The following GHDC variants were observed in gnomAD, a reference collection of about 807,000 sequenced individuals.
The protein encoded by GHDC is GH3 domain-containing protein.
In GHDC, 39 loss-of-function variants were observed where a neutral mutation model predicts 51.5. That is an observed-to-expected ratio of 0.76 (90% confidence interval 0.59 to 0.99). GHDC has a LOEUF of 0.99. GHDC is among the 50% of genes least tolerant of loss of function. The probability of loss-of-function intolerance (pLI) is 0.00; values close to 1 mark genes in which losing one functional copy is unlikely to be tolerated. For synonymous variants in GHDC, 282 were observed against 305.2 expected, an observed-to-expected ratio of 0.92 and a Z score of 0.79; for missense variants, 610 against 672.8, an observed-to-expected ratio of 0.91 and a Z score of 1.03.
rs1254003903 is a variant in GHDC, at chr17:42,191,040, T to C, written c.1060A>G (p.Thr354Ala). Residue 354 changes from threonine to alanine, a missense_variant, in exon 6 of 10, where the codon ACG becomes GCG. Physicochemically the swap from Thr to Ala is moderately conservative, Grantham distance 58. This residue lies in a region of GHDC where 412 missense variants were observed against 410.4 expected (regional missense o/e 1.00). Coordinates refer to ENST00000587427, the MANE Select transcript of GHDC (RefSeq NM_032484.5). ...CACCTGGTGAGGCTGGCGCGGTCCG[T>C]CAGCACCAGCTCATACTCCTTGCCC... ...QQGKEYELVL[T>A]DRASLTRCRL... 2 of 1,583,554 alleles carry C rather than the reference T, an allele frequency of 1.3e-6. No homozygotes were observed. The highest frequency in any genetic ancestry group is 1.7e-6 in the Non-Finnish European group (2 of 1,165,300).
intron 8 of GHDC, 92 bp from the exon 9 acceptor site, chr17:42,190,362 G>A: frequency 6.2e-7 from 1 of 1,605,610 alleles, no homozygotes. Context: ...TCCCCACTCT[G>A]AGATTCATAG....
In GHDC at chr17:42,193,207, C is replaced by T. The variant is rs1362520342; in HGVS notation, c.265+110G>A. On this transcript the variant is annotated intron_variant, in intron 3 of 9. Coordinates refer to ENST00000587427, the MANE Select transcript of GHDC (RefSeq NM_032484.5). Reference sequence around the variant, plus strand: ...GCCAGTCCTGGGTCTCTGGGTCAGGCCACTCCGTTGGCAGTGGAGGAGGTA... The same window carrying T: ...GCCAGTCCTGGGTCTCTGGGTCAGGTCACTCCGTTGGCAGTGGAGGAGGTA... The T allele has an allele frequency of 2.6e-6, 4 of 1,525,150 alleles. No individual in the cohort carries two copies. In the Admixed American group the frequency reaches 6.8e-5, roughly 26 times the overall value. 94.5% of individuals were successfully genotyped at this position (1,525,150 alleles called of 1,614,324 possible).
Position 42,192,225 on chromosome 17 carries a change from C to G in GHDC, c.889+16G>C, listed in dbSNP as rs2079973757. Reference sequence around the variant, plus strand: ...TGACCGTTGCCCCCACCTCACTGCCCTTGAGTCCCACTGACCTCCCGAGGC... The same window carrying G: ...TGACCGTTGCCCCCACCTCACTGCCGTTGAGTCCCACTGACCTCCCGAGGC... On this transcript the variant is annotated intron_variant, in intron 5 of 9. Transcript: ENST00000587427. 6.6e-7 allele frequency: 1 copy of G among 1,520,678 alleles called. No individual in the cohort carries two copies. The allele number at this position is 1,520,678 out of a possible 1,614,324, so 94.2% of individuals were successfully genotyped here.
At chr17:42,194,195 G>C (rs541876677) in intron 1 of GHDC, 198 bp downstream of exon 1, 1 of 150,282 alleles carries the variant, frequency 6.7e-6, no homozygotes, top group African/African-American at 2.5e-5. Flanking sequence ...AAAAAGAAAA[G>C]AAAAAAAAGG....
intron 3 of GHDC, 53 bp downstream of exon 3, chr17:42,193,264 C>T: frequency 6.5e-7 from 1 of 1,533,178 alleles, no homozygotes; most frequent in Non-Finnish European, 8.8e-7. Flanking sequence ...ATCTGACGGT[C>T]CTGTGGGGTT....
chr17:42,190,186 T>C lies in GHDC; in HGVS notation c.1373A>G (p.Lys458Arg). 1 of 1,613,524 alleles carries C rather than the reference T, an allele frequency of 6.2e-7. No homozygotes were observed. The highest frequency in any genetic ancestry group is 1.7e-4 in the Middle Eastern group (1 of 6,054). The part of the protein sequence containing the change: ...LRNLSEENRD[K>R]LDHCLQEASP... Reference sequence around the variant, plus strand: ...AGACCCTGTCCTCGTCTCCTTTACCTTGTCTCGATTTTCCTCTGACAGATT... The same window carrying C: ...AGACCCTGTCCTCGTCTCCTTTACCCTGTCTCGATTTTCCTCTGACAGATT... Residue 458 changes from lysine to arginine, a missense_variant and splice_region_variant, in exon 9 of 10, where the codon AAG (lysine) becomes AGG (arginine). Transcript: ENST00000587427.
chr17:42,191,109 G>A lies in GHDC; in HGVS notation c.991C>T (p.Gln331Ter). Residue 331 changes from glutamine to a stop codon, truncating the protein, a stop_gained, in exon 6 of 10, where the codon CAG becomes TAG. Coordinates refer to ENST00000587427, the MANE Select transcript of GHDC (RefSeq NM_032484.5). LOFTEE classifies it high-confidence loss of function. ...IELLPVKEGTQEEAASTLLLA... is the reference protein window; with the variant it reads ...IELLPVKEGT ...AGGAGGGTGGAGGCAGCTTCCTCCTGGGTGCCTTCCTTGACTGGGAGCAGC... is the reference window on the plus strand; with the variant it reads ...AGGAGGGTGGAGGCAGCTTCCTCCTAGGTGCCTTCCTTGACTGGGAGCAGC... 1 of 1,569,790 alleles carries A rather than the reference G, an allele frequency of 6.4e-7. No homozygotes were observed. The highest frequency in any genetic ancestry group is 8.6e-7 in the Non-Finnish European group (1 of 1,161,762).
rs747817150 is a variant in GHDC, at chr17:42,191,136, C to T, written c.964G>A (p.Glu322Lys). The change falls in exon 6 of 10, where the codon GAG becomes AAG. Residue 322 changes from glutamate (E) to lysine (K), a missense_variant. Coordinates refer to ENST00000587427, the MANE Select transcript of GHDC (RefSeq NM_032484.5). ...YLLPPGAPFIELLPVKEGTQE... is the reference protein window; with the variant it reads ...YLLPPGAPFIKLLPVKEGTQE... The stretch of plus-strand genomic sequence containing the variant: ...GTGCCTTCCTTGACTGGGAGCAGCT[C>T]GATAAAGGGGGCCCCAGGGGGCAGA... 1.1e-5 allele frequency: 17 copies of T among 1,554,686 alleles called. No individual in the cohort carries two copies. Among genetic ancestry groups the T allele is most frequent in the South Asian group, 6.1e-5 (5 of 82,462 alleles).
chr17:42,192,942 C>T lies in GHDC; in HGVS notation c.351G>A (p.Pro117=), dbSNP rs371516105. ...QEDSGEQPLP[P]TSNQDLGEAS... ...CCTCCCCAAGGTCCTGGTTTGAGGTCGGGGGCAGTGGCTGCTCTCCACTGT... is the reference window on the plus strand; with the variant it reads ...CCTCCCCAAGGTCCTGGTTTGAGGTTGGGGGCAGTGGCTGCTCTCCACTGT... The change falls in exon 4 of 10, where the codon CCG becomes CCA. Residue 117 remains proline, a synonymous_variant. Transcript: ENST00000587427. 13 of 1,613,956 alleles carry T rather than the reference C, an allele frequency of 8.1e-6. No homozygotes were observed. Among genetic ancestry groups the T allele is most frequent in the Middle Eastern group, 1.6e-4 (1 of 6,062 alleles).
intron 3 of GHDC, 57 bp downstream of exon 3, chr17:42,193,260 C>A (rs149926884): frequency 6.6e-7 from 1 of 1,522,804 alleles, no homozygotes. Context: ...TGGAATCTGA[C>A]GGTCCTGTGG....
In GHDC at chr17:42,192,235, A is replaced by G. The variant is rs1254817189; in HGVS notation, c.889+6T>C. Reference sequence around the variant, plus strand: ...CCCCACCTCACTGCCCTTGAGTCCCACTGACCTCCCGAGGCAGCATAAGCA... The same window carrying G: ...CCCCACCTCACTGCCCTTGAGTCCCGCTGACCTCCCGAGGCAGCATAAGCA... On this transcript the variant is annotated splice_donor_region_variant and intron_variant, in intron 5 of 9. Transcript: ENST00000587427. 6.6e-7 allele frequency: 1 copy of G among 1,524,938 alleles called. No individual in the cohort carries two copies. The highest frequency in any genetic ancestry group is 8.8e-7 in the Non-Finnish European group (1 of 1,137,078). The allele number at this position is 1,524,938 out of a possible 1,614,324, so 94.5% of individuals were successfully genotyped here.
chr17:42,191,015 C>A lies in GHDC; in HGVS notation c.1082+3G>T. 6.4e-7 allele frequency: 1 copy of A among 1,569,716 alleles called. No individual in the cohort carries two copies. Among genetic ancestry groups the A allele is most frequent in the Non-Finnish European group, 8.6e-7 (1 of 1,159,588 alleles). On this transcript the variant is annotated splice_donor_region_variant and intron_variant, in intron 6 of 9. Transcript: ENST00000587427. Reference sequence around the variant, plus strand: ...AGGTAGCAGGGGCTGTGCAGCTGATCACCTGGTGAGGCTGGCGCGGTCCGT... The same window carrying A: ...AGGTAGCAGGGGCTGTGCAGCTGATAACCTGGTGAGGCTGGCGCGGTCCGT...
In GHDC at chr17:42,191,156, G is replaced by T; in HGVS notation, c.944C>A (p.Pro315His). 1 of 1,553,388 alleles carries T rather than the reference G, an allele frequency of 6.4e-7. No homozygotes were observed. Among genetic ancestry groups the T allele is most frequent in the Non-Finnish European group, 8.7e-7 (1 of 1,153,520 alleles). ...PEQPHGLYLLPPGAPFIELLP... is the reference protein window; with the variant it reads ...PEQPHGLYLLHPGAPFIELLP... ...CAGCTCGATAAAGGGGGCCCCAGGG[G>T]GCAGAAGGTAGAGCCCATGGGGCTG... Residue 315 changes from proline to histidine, a missense_variant, in exon 6 of 10, where the codon CCC becomes CAC. Around this residue, in one of 2 missense-constraint regions of GHDC, gnomAD observed 412 missense variants for 410.4 expected, o/e 1.00. Coordinates refer to ENST00000587427, the MANE Select transcript of GHDC (RefSeq NM_032484.5).
In GHDC at chr17:42,193,541, GGCAGCA is replaced by G. The variant is rs747543747; in HGVS notation, c.35_40del (p.Leu12_Leu13del). 5.8e-6 allele frequency: 9 copies of G among 1,543,014 alleles called. No homozygotes were observed. The highest frequency in any genetic ancestry group is 5.5e-5 in the African/African-American group (4 of 73,030). ...CTGCTGCCTGAGCAGGGCCAATGTT[GGCAGCA>G]GCAGCAGCAGCAGCAGCAGTGGCCA... On this transcript the variant is annotated inframe_deletion, in exon 3 of 10. Transcript: ENST00000587427.
intron 8 of GHDC, 63 bp from the exon 9 acceptor site, chr17:42,190,333 C>T: frequency 6.2e-7 from 1 of 1,613,810 alleles, no homozygotes; most frequent in Non-Finnish European, 8.5e-7. Flanking sequence ...AGTCTAGTGT[C>T]CTCTGCCCTA....
chr17:42,191,146 G>A lies in GHDC; in HGVS notation c.954C>T (p.Ala318=), dbSNP rs1160363209. The change falls in exon 6 of 10, where the codon GCC becomes GCT. Residue 318 remains alanine, a synonymous_variant. Coordinates refer to ENST00000587427, the MANE Select transcript of GHDC (RefSeq NM_032484.5). ...TGACTGGGAGCAGCTCGATAAAGGG[G>A]GCCCCAGGGGGCAGAAGGTAGAGCC... is the stretch of plus-strand genomic sequence containing the variant. ...PHGLYLLPPG[A]PFIELLPVKE... 1.9e-6 allele frequency: 3 copies of A among 1,552,278 alleles called. No individual in the cohort carries two copies. Among genetic ancestry groups the A allele is most frequent in the Admixed American group, 2.2e-5 (1 of 46,060 alleles).
chr17:42,193,197 C>CT, intron 3 of GHDC, 120 bp downstream of exon 3: 2 of 1,530,312 alleles, frequency 1.3e-6, no homozygotes, highest in Non-Finnish European at 8.9e-7. Flanking sequence ...TCCTGGGTCT[C>CT]TGGGTCAGGC....
intron 8 of GHDC, 109 bp downstream of exon 8, chr17:42,190,515 T>C: frequency 2.8e-6 from 4 of 1,435,750 alleles, no homozygotes; most frequent in Non-Finnish European, 3.7e-6. Context: ...AGGACTTTTG[T>C]AGGAGTAGTA....
rs774748967 is a variant in GHDC at position 42,193,791 on chromosome 17, G to A, written c.-38C>T. 132 of 664,456 alleles carry A rather than the reference G, an allele frequency of 2.0e-4. No individual in the cohort carries two copies. Among genetic ancestry groups the A allele is most frequent in the Middle Eastern group, 4.2e-4 (1 of 2,376 alleles). 41.2% of individuals were successfully genotyped at this position (664,456 alleles called of 1,614,324 possible). On this transcript the variant is annotated 5_prime_UTR_variant, in exon 2 of 10. Transcript: ENST00000587427. ...CCTGAGTGCAGATCCTGCCTCTGCC[G>A]CTTGTTAGCTGTAGGGCCCTGAGCA...
Sources: allele counts gnomAD v4.1 joint callset, GRCh38; gene constraint gnomAD v4.1.1; regional missense constraint gnomAD v4.1.1; transcripts MANE v1.5; gene names NCBI Gene and HGNC (gene_info 2026-07-23, HGNC 2026-07-21).